The following HLCS variants were observed in gnomAD, a reference collection of about 807,000 sequenced individuals.
HLCS encodes biotin--protein ligase.
Under a neutral mutation model 75.0 loss-of-function variants are expected in HLCS, and 53 were observed. The observed-to-expected ratio is 0.71, with a 90% CI of 0.57 to 0.89. HLCS has a LOEUF of 0.89. Among genes scored for constraint, HLCS ranks in the 40% least tolerant of loss-of-function variants. The pLI, the probability that HLCS is intolerant of heterozygous loss-of-function variation, is 0.00. For synonymous variants in HLCS, 431 were observed against 428.6 expected (o/e 1.01, Z -0.07); for missense variants, 966 against 1,074.0 (o/e 0.90, Z 1.41).
intron 6 of HLCS, among the ~76,000 whole-genome samples, chr21:36,888,052 T>G (rs1244462992): frequency 6.6e-6 from 1 of 152,162 alleles, no homozygotes; most frequent in Non-Finnish European, 1.5e-5. Flanking sequence ...TCAAACTTTA[T>G]GACAGGTCTA....
chr21:36,979,937 T>G (rs2146734946), intron 1 of HLCS, among the ~76,000 whole-genome samples: 1 of 143,870 alleles, frequency 7.0e-6, no homozygotes, highest in Middle Eastern at 3.9e-3. Flanking sequence ...TGCCTGTAGT[T>G]CCAGCTACTC....
chr21:36,894,665 A>T (rs1158164546), intron 6 of HLCS, among the ~76,000 whole-genome samples: 2 of 152,178 alleles, frequency 1.3e-5, no homozygotes, highest in Non-Finnish European at 2.9e-5. Flanking sequence ...CATAATTAAT[A>T]ATCAAACCAA....
chr21:36,956,783 G>T lies in HLCS; in HGVS notation c.330+5253C>A, dbSNP rs568089646. 1.5e-4 allele frequency among the ~76,000 whole-genome samples: 23 copies of T among 152,082 alleles called. No individual in the cohort carries two copies. The South Asian group carries it at 4.4e-3, about 29-fold the overall frequency. On this transcript the variant is annotated intron_variant, in intron 2 of 10. Coordinates refer to ENST00000674895, the MANE Select transcript of HLCS (RefSeq NM_001352514.2). Reference sequence around the variant, plus strand: ...TAAAAGTCCAAGGAGCCAGAATGGTGGCTCATGGCTGTATCACAGCACTTC... The same window carrying T: ...TAAAAGTCCAAGGAGCCAGAATGGTTGCTCATGGCTGTATCACAGCACTTC...
chr21:36,805,408 C>T (rs995612094), intron 6 of HLCS, among the ~76,000 whole-genome samples: 2 of 152,168 alleles, frequency 1.3e-5, no homozygotes, highest in African/African-American at 2.4e-5. Context: ...CGGCTCCGGG[C>T]GCTGTGTTTA....
At chr21:36,911,587 A>G (rs1395669339) in intron 5 of HLCS, among the ~76,000 whole-genome samples, 2 of 151,572 alleles carry the variant, frequency 1.3e-5, no homozygotes, top group Non-Finnish European at 2.9e-5. Flanking sequence ...TACTAAAAAT[A>G]CAAAAAAAAA....
chr21:36,938,010 C>CA (rs2066973379), intron 3 of HLCS, among the ~76,000 whole-genome samples: 1 of 152,114 alleles, frequency 6.6e-6, no homozygotes. Flanking sequence ...TGATAAGGGA[C>CA]ATTTATTTGC....
Position 36,748,772 on chromosome 21 carries a change from A to T in HLCS, c.*5474T>A, listed in dbSNP as rs2089274978. 6.5e-6 allele frequency: 1 copy of T among 152,684 alleles called. No homozygotes were observed. Among genetic ancestry groups the T allele is most frequent in the Middle Eastern group, 3.4e-3 (1 of 294 alleles). The allele number at this position is 152,684 out of a possible 1,614,324, so 9.5% of individuals were successfully genotyped here. A position where few individuals can be genotyped will look rare whatever the true frequency, so the allele number is the denominator to read the frequency against. The stretch of plus-strand genomic sequence containing the variant: ...CATTAACAAGCTCTTACTTCCCCCT[A>T]ACCCCTATGAACTCTTGATAACACC... On this transcript the variant is annotated 3_prime_UTR_variant, in exon 11 of 11. Transcript: ENST00000674895.
chr21:36,966,696 C>G (rs1289201711), upstream of HLCS: 10 of 876,816 alleles, frequency 1.1e-5, no homozygotes, highest in South Asian at 2.6e-4. Context: ...GCCCCAGGCC[C>G]GGCCCCGCCC....
At chr21:36,960,492 G>A (rs1386267502) in intron 2 of HLCS, among the ~76,000 whole-genome samples, 4 of 152,170 alleles carry the variant, frequency 2.6e-5, no homozygotes, top group African/African-American at 9.7e-5. Context: ...ACACTGCACT[G>A]CTCCAGGCCC....
intron 5 of HLCS, among the ~76,000 whole-genome samples, chr21:36,909,162 A>C (rs1332738653): frequency 6.6e-6 from 1 of 152,072 alleles, no homozygotes; most frequent in Non-Finnish European, 1.5e-5. Context: ...GCGCCACTGC[A>C]CTCCAGCCTG....
intron 1 of HLCS, among the ~76,000 whole-genome samples, chr21:36,983,374 C>A (rs1348786997): frequency 6.6e-6 from 1 of 151,634 alleles, no homozygotes; most frequent in East Asian, 2.0e-4. Flanking sequence ...CCACACCCAG[C>A]TAATTTTTGT....
intron 6 of HLCS, among the ~76,000 whole-genome samples, chr21:36,827,128 T>TA (rs1001884385): frequency 2.2e-4 from 33 of 151,988 alleles, no homozygotes; most frequent in African/African-American, 7.7e-4. Flanking sequence ...GGCTGGGAAA[T>TA]AGAGGTGCCT....
intron 6 of HLCS, among the ~76,000 whole-genome samples, chr21:36,861,118 T>C (rs2063367418): frequency 6.6e-6 from 1 of 152,182 alleles, no homozygotes; most frequent in Non-Finnish European, 1.5e-5. Flanking sequence ...TATGACCAAG[T>C]GGAATGAAAT....
At chr21:36,803,685 A>C (rs1168783092) in intron 6 of HLCS, among the ~76,000 whole-genome samples, 1 of 152,166 alleles carries the variant, frequency 6.6e-6, no homozygotes, top group Non-Finnish European at 1.5e-5. Context: ...GTAGAAAGAA[A>C]GAAAAAAAAA....
rs1569149891 is a variant in HLCS, at chr21:36,888,477, TATATATATATATA to T, written c.1892+8370_1892+8382del. Among the ~76,000 whole-genome samples, 15 of 126,746 alleles carry T rather than the reference TATATATATATATA, an allele frequency of 1.2e-4. 1 individual carries two copies. Among genetic ancestry groups the T allele is most frequent in the Middle Eastern group, 4.1e-3 (1 of 244 alleles). The allele number at this position is 126,746 out of a possible 152,430, so 83.2% of individuals were successfully genotyped here. A position where few individuals can be genotyped will look rare whatever the true frequency, so the allele number is the denominator to read the frequency against. ...ATATATATATATATATATATATATA[TATATATATATATA>T]TATATATTTATTTATTTATTTTATG... On this transcript the variant is annotated intron_variant, in intron 6 of 10. Transcript: ENST00000674895.
At chr21:36,858,296 T>C (rs1026872651) in intron 6 of HLCS, among the ~76,000 whole-genome samples, 1 of 152,160 alleles carries the variant, frequency 6.6e-6, no homozygotes, top group African/African-American at 2.4e-5. Flanking sequence ...TTTTGATACA[T>C]CTCTAAAAGA....
chr21:36,814,662 C>G (rs939091926), intron 6 of HLCS, among the ~76,000 whole-genome samples: 4 of 152,164 alleles, frequency 2.6e-5, no homozygotes, highest in African/African-American at 7.2e-5. Flanking sequence ...GAAAATAAAG[C>G]CTTCCTTATT....
chr21:36,938,868 G>A lies in HLCS; in HGVS notation c.457C>T (p.His153Tyr). The A allele has an allele frequency of 6.2e-7, 1 of 1,614,038 alleles. No homozygotes were observed. Among genetic ancestry groups the A allele is most frequent in the African/African-American group, 1.3e-5 (1 of 74,996 alleles). Residue 153 changes from histidine (H) to tyrosine (Y), a missense_variant, in exon 3 of 11, where the codon CAC becomes TAC. Physicochemically the swap from His to Tyr is moderately conservative, Grantham distance 83 (BLOSUM62 2). Transcript: ENST00000674895. ...TGGGGTACCAGTCCATTATCCATGT[G>A]GAGTCTATCTTCCATGAACGCCACC... ...LGVAFMEDRL[H>Y]MDNGLVPQKI...
chr21:36,898,625 C>T (rs2065113150), intron 5 of HLCS, among the ~76,000 whole-genome samples: 1 of 152,018 alleles, frequency 6.6e-6, no homozygotes, highest in Non-Finnish European at 1.5e-5. Flanking sequence ...GCTTAAAAGA[C>T]ATAATGAAAC....
Sources: allele counts gnomAD v4.1 joint callset (sites outside exome capture counted in the v4.1 genomes callset), GRCh38; gene constraint gnomAD v4.1.1; transcripts MANE v1.5; gene names NCBI Gene and HGNC (gene_info 2026-07-23, HGNC 2026-07-21).